Variants in RAB15 observed in about 807,000 individuals in gnomAD.
RAB15 encodes ras-related protein Rab-15.
Under a neutral mutation model 31.8 loss-of-function variants are expected in RAB15, and 13 were observed. The ratio of observed to expected loss-of-function variants is 0.41; its 90% confidence interval spans 0.27 to 0.65. RAB15 has a LOEUF of 0.65. Among genes scored for constraint, RAB15 ranks in the 30% least tolerant of loss-of-function variants. The probability of loss-of-function intolerance (pLI) is 0.32; values close to 1 mark genes in which losing one functional copy is unlikely to be tolerated. For synonymous variants in RAB15, 100 were observed against 105.6 expected, an observed-to-expected ratio of 0.95 and a Z score of 0.33; for missense variants, 220 against 277.3, an observed-to-expected ratio of 0.79 and a Z score of 1.47.
intron 1 of RAB15, among the ~76,000 whole-genome samples, chr14:64,964,518 CAA>C (rs1257040368): frequency 5.6e-5 from 4 of 71,902 alleles, no homozygotes; most frequent in Non-Finnish European, 2.7e-5. Flanking sequence ...GACTCTGTTT[CAA>C]AAAAAAAAAA....
In RAB15 at chr14:64,955,367, A is replaced by C. The variant is rs1431960584; in HGVS notation, c.125-2796T>G. On this transcript the variant is annotated intron_variant, in intron 1 of 6. Coordinates refer to ENST00000533601, the MANE Select transcript of RAB15 (RefSeq NM_001308154.2). This position sits in a 1 kb window ranked among gnomAD's most constrained non-coding sequence, Gnocchi z 4.4. ...TTCAGCTGTGTCCACCTACCAGTCA[A>C]GCCCTGGCCCCAGTAACCCGTGCCC... Among the ~76,000 whole-genome samples, 3 of 152,146 alleles carry C rather than the reference A, an allele frequency of 2.0e-5. No individual in the cohort carries two copies. Among genetic ancestry groups the C allele is most frequent in the Non-Finnish European group, 4.4e-5 (3 of 68,024 alleles).
At chr14:64,964,724 T>C (rs1887036155) in intron 1 of RAB15, among the ~76,000 whole-genome samples, 2 of 151,814 alleles carry the variant, frequency 1.3e-5, no homozygotes. Context: ...TACAGGCACC[T>C]GCCACAACAC....
chr14:64,962,719 T>C lies in RAB15; in HGVS notation c.124+9234A>G, dbSNP rs995762870. 2.3e-4 allele frequency among the ~76,000 whole-genome samples: 35 copies of C among 152,286 alleles called. No homozygotes were observed. Among genetic ancestry groups the C allele is most frequent in the African/African-American group, 7.9e-4 (33 of 41,564 alleles). On this transcript the variant is annotated intron_variant, in intron 1 of 6. Coordinates refer to ENST00000533601, the MANE Select transcript of RAB15 (RefSeq NM_001308154.2). The surrounding 1 kb of genome is among the most constrained non-coding windows in gnomAD (Gnocchi z 4.2). ...ACATTTCAGTCAAACTCACAGTTCC[T>C]AGGAAGAGGGTCAACAGTACTCTCT...
rs1885915309 is a variant in RAB15 at position 64,946,246 on chromosome 14, G to T, written c.*2108C>A. Reference sequence around the variant, plus strand: ...AAATATAGTCCTTCTTTCCTGAGGGGGCTAGGAGAGAAAGACAATGAATGG... The same window carrying T: ...AAATATAGTCCTTCTTTCCTGAGGGTGCTAGGAGAGAAAGACAATGAATGG... On this transcript the variant is annotated 3_prime_UTR_variant, in exon 7 of 7. Transcript: ENST00000533601. The T allele has an allele frequency of 6.6e-6, 1 of 152,164 alleles. No individual in the cohort carries two copies. The highest frequency in any genetic ancestry group is 1.5e-5 in the Non-Finnish European group (1 of 68,050). The allele number at this position is 152,164 out of a possible 1,614,324, so 9.4% of individuals were successfully genotyped here.
At chr14:64,956,077 C>T (rs1281415995) in intron 1 of RAB15, among the ~76,000 whole-genome samples, 3 of 152,076 alleles carry the variant, frequency 2.0e-5, no homozygotes, top group Non-Finnish European at 4.4e-5. Flanking sequence ...TCCCTGGACC[C>T]ACAGCATCAG....
rs1242161910 is a variant in RAB15 at position 64,950,984 on chromosome 14, G to C, written c.324+90C>G. The stretch of plus-strand genomic sequence containing the variant: ...AGGGCTGTGGAAGGCAAAGCTTCCT[G>C]GAAGCATTTGCCTTCCCATCTGGCC... On this transcript the variant is annotated intron_variant, in intron 4 of 6. Coordinates refer to ENST00000533601, the MANE Select transcript of RAB15 (RefSeq NM_001308154.2). The surrounding 1 kb of genome is among the most constrained non-coding windows in gnomAD (Gnocchi z 5.6). The C allele has an allele frequency of 6.2e-7, 1 of 1,614,024 alleles. No homozygotes were observed. Among genetic ancestry groups the C allele is most frequent in the East Asian group, 2.2e-5 (1 of 44,866 alleles).
At position 64,948,323 on chromosome 14, in the gene RAB15, G is replaced by A. The variant is rs555279578; in HGVS notation, c.*31C>T. 39 of 1,472,626 alleles carry A rather than the reference G, an allele frequency of 2.6e-5. No homozygotes were observed. The African/African-American group carries it at 4.8e-4, about 18-fold the overall frequency. The allele number at this position is 1,472,626 out of a possible 1,614,324, so 91.2% of individuals were successfully genotyped here. ...TGCCCACGGGCCTCCTGAGGGAAGA[G>A]GGGTGTCGTGTGGGGTGCCCCACAC... On this transcript the variant is annotated 3_prime_UTR_variant, in exon 7 of 7. Transcript: ENST00000533601. This position sits in a 1 kb window ranked among gnomAD's most constrained non-coding sequence, Gnocchi z 7.0.
intron 1 of RAB15, among the ~76,000 whole-genome samples, chr14:64,959,618 C>G (rs1251021772): frequency 1.3e-5 from 2 of 152,064 alleles, no homozygotes; most frequent in African/African-American, 2.4e-5. Flanking sequence ...AATCCAAACA[C>G]TTTGGGAAGA....
Position 64,951,005 on chromosome 14 carries a change from T to G in RAB15, c.324+69A>C, listed in dbSNP as rs1398826694. On this transcript the variant is annotated intron_variant, in intron 4 of 6. Coordinates refer to ENST00000533601, the MANE Select transcript of RAB15 (RefSeq NM_001308154.2). The surrounding 1 kb of genome is among the most constrained non-coding windows in gnomAD (Gnocchi z 7.2). ...TCCTGGAAGCATTTGCCTTCCCATC[T>G]GGCCCTCGCCTTGCCTTCCCCGGTG... is the stretch of plus-strand genomic sequence containing the variant. 1 of 1,614,074 alleles carries G rather than the reference T, an allele frequency of 6.2e-7. No individual in the cohort carries two copies. Among genetic ancestry groups the G allele is most frequent in the South Asian group, 1.1e-5 (1 of 91,082 alleles).
In RAB15 at chr14:64,971,693, C is replaced by A; in HGVS notation, c.124+260G>T. On this transcript the variant is annotated intron_variant, in intron 1 of 6. Transcript: ENST00000533601. This position sits in a 1 kb window ranked among gnomAD's most constrained non-coding sequence, Gnocchi z 4.1. ...CAGGCCTACACCAGCTCCCCTCACC[C>A]CCGGTTTCTCGGTTTGATGGGACGG... is the stretch of plus-strand genomic sequence containing the variant. The A allele has an allele frequency of 1.9e-6, 1 of 529,566 alleles. No individual in the cohort carries two copies. Among genetic ancestry groups the A allele is most frequent in the Non-Finnish European group, 3.4e-6 (1 of 293,792 alleles). 32.8% of individuals were successfully genotyped at this position (529,566 alleles called of 1,614,324 possible).
chr14:64,951,160 G>C lies in RAB15; in HGVS notation c.247-9C>G, dbSNP rs1566842361. The C allele has an allele frequency of 5.6e-6, 9 of 1,602,360 alleles. No individual in the cohort carries two copies. The South Asian group carries it at 8.8e-5, about 16-fold the overall frequency. Reference sequence around the variant, plus strand: ...TAGACCAAAAATATCCCCTGAGAGAGAGAGAAATAGAGAGATGTGATATGC... The same window carrying C: ...TAGACCAAAAATATCCCCTGAGAGACAGAGAAATAGAGAGATGTGATATGC... On this transcript the variant is annotated splice_polypyrimidine_tract_variant and intron_variant, in intron 3 of 6. Coordinates refer to ENST00000533601, the MANE Select transcript of RAB15 (RefSeq NM_001308154.2). The surrounding 1 kb of genome is among the most constrained non-coding windows in gnomAD (Gnocchi z 7.2).
intron 1 of RAB15, among the ~76,000 whole-genome samples, chr14:64,965,893 A>G (rs989111920): frequency 2.0e-5 from 3 of 152,064 alleles, no homozygotes; most frequent in African/African-American, 7.2e-5. Context: ...CGCGGGCTTC[A>G]GATATGTTCC....
chr14:64,957,761 C>G (rs1282483827), intron 1 of RAB15, among the ~76,000 whole-genome samples: 2 of 152,122 alleles, frequency 1.3e-5, no homozygotes, highest in Non-Finnish European at 2.9e-5. Flanking sequence ...TAAAACCCAC[C>G]CAGGGTATGC....
chr14:64,948,945 A>G lies in RAB15; in HGVS notation c.415-212T>C, dbSNP rs1594930940. On this transcript the variant is annotated intron_variant, in intron 5 of 6. Coordinates refer to ENST00000533601, the MANE Select transcript of RAB15 (RefSeq NM_001308154.2). This position sits in a 1 kb window ranked among gnomAD's most constrained non-coding sequence, Gnocchi z 7.0. ...CACAAATATGCCTCTCCATTCTTCCAGCTGCCACCCCACGCCTCCCAACAC... is the reference window on the plus strand; with the variant it reads ...CACAAATATGCCTCTCCATTCTTCCGGCTGCCACCCCACGCCTCCCAACAC... 6.6e-6 allele frequency among the ~76,000 whole-genome samples: 1 copy of G among 152,292 alleles called. No individual in the cohort carries two copies. Among genetic ancestry groups the G allele is most frequent in the East Asian group, 1.9e-4 (1 of 5,192 alleles).
Position 64,954,904 on chromosome 14 carries a change from G to C in RAB15, c.125-2333C>G, listed in dbSNP as rs1162408001. 2.6e-5 allele frequency among the ~76,000 whole-genome samples: 4 copies of C among 152,200 alleles called. No individual in the cohort carries two copies. The highest frequency in any genetic ancestry group is 7.2e-5 in the African/African-American group (3 of 41,436). The stretch of plus-strand genomic sequence containing the variant: ...TTAAGGTGAATTTTTCCCTGTGAGA[G>C]AAGAGGGGATGGAGGGAGAGGTGAA... On this transcript the variant is annotated intron_variant, in intron 1 of 6. Transcript: ENST00000533601. The surrounding 1 kb of genome is among the most constrained non-coding windows in gnomAD (Gnocchi z 4.3).
chr14:64,971,680 A>G lies in RAB15; in HGVS notation c.124+273T>C, dbSNP rs1887425899. The G allele has an allele frequency of 2.0e-6, 1 of 506,822 alleles. No homozygotes were observed. The highest frequency in any genetic ancestry group is 3.5e-5 in the Admixed American group (1 of 28,472). 31.4% of individuals were successfully genotyped at this position (506,822 alleles called of 1,614,324 possible). ...AGCTCGGGGTACCCAGGCCTACACCAGCTCCCCTCACCCCCGGTTTCTCGG... is the reference window on the plus strand; with the variant it reads ...AGCTCGGGGTACCCAGGCCTACACCGGCTCCCCTCACCCCCGGTTTCTCGG... On this transcript the variant is annotated intron_variant, in intron 1 of 6. Coordinates refer to ENST00000533601, the MANE Select transcript of RAB15 (RefSeq NM_001308154.2). The surrounding 1 kb of genome is among the most constrained non-coding windows in gnomAD (Gnocchi z 4.1).
At position 64,951,230 on chromosome 14, in the gene RAB15, T is replaced by A; in HGVS notation, c.247-79A>T. 1 of 1,234,008 alleles carries A rather than the reference T, an allele frequency of 8.1e-7. No homozygotes were observed. Among genetic ancestry groups the A allele is most frequent in the South Asian group, 1.3e-5 (1 of 76,710 alleles). 76.4% of individuals were successfully genotyped at this position (1,234,008 alleles called of 1,614,324 possible). A position where few individuals can be genotyped will look rare whatever the true frequency, so the allele number is the denominator to read the frequency against. Reference sequence around the variant, plus strand: ...GGGGCCAGAAGGGGCCGTGGAAACTTAAAGGTTGGGTCCCACTCTCCCATT... The same window carrying A: ...GGGGCCAGAAGGGGCCGTGGAAACTAAAAGGTTGGGTCCCACTCTCCCATT... On this transcript the variant is annotated intron_variant, in intron 3 of 6. Transcript: ENST00000533601. This position sits in a 1 kb window ranked among gnomAD's most constrained non-coding sequence, Gnocchi z 7.2.
intron 1 of RAB15, among the ~76,000 whole-genome samples, chr14:64,966,992 T>C (rs1055752217): frequency 1.3e-5 from 2 of 152,040 alleles, no homozygotes; most frequent in East Asian, 3.9e-4. Flanking sequence ...GTCTGTTAGG[T>C]CACCCCATTC....
rs112410305 is a variant in RAB15, at chr14:64,962,520, C to T, written c.124+9433G>A. ...AGCCATATGTGATAAGAAGCAACTG[C>T]GGGATAAAGTAGAGAGTGAGGAGAC... On this transcript the variant is annotated intron_variant, in intron 1 of 6. Transcript: ENST00000533601. The surrounding 1 kb of genome is among the most constrained non-coding windows in gnomAD (Gnocchi z 4.2). 0.029 allele frequency among the ~76,000 whole-genome samples: 4,368 copies of T among 152,168 alleles called. 92 individuals are homozygous for T. The highest frequency in any genetic ancestry group is 0.075 in the Middle Eastern group (22 of 294).
Sources: allele counts gnomAD v4.1 joint callset (sites outside exome capture counted in the v4.1 genomes callset), GRCh38; gene constraint gnomAD v4.1.1; non-coding constraint Gnocchi (gnomAD v3.1); transcripts MANE v1.5; gene names NCBI Gene and HGNC (gene_info 2026-07-23, HGNC 2026-07-21).